Variants in PLCH2 observed in about 807,000 individuals in gnomAD.
The protein encoded by PLCH2 is phospholipase C eta 2.
A neutral mutation model predicts 134.7 loss-of-function variants in PLCH2; 98 were observed. That is an observed-to-expected ratio of 0.73 (90% CI 0.62 to 0.86). The LOEUF (loss-of-function observed/expected upper bound fraction) is 0.86, where lower values mean the gene tolerates loss of function less well. PLCH2 is among the 40% of genes least tolerant of loss of function. The probability of loss-of-function intolerance (pLI) is 0.00; values close to 1 mark genes in which losing one functional copy is unlikely to be tolerated. For missense variants in PLCH2, 1,994 were observed against 1,986.6 expected, an observed-to-expected ratio of 1.00 and a Z score of -0.07; for synonymous variants, 974 against 827.5, an observed-to-expected ratio of 1.18 and a Z score of -3.04.
chr1:2,476,713 G>GT lies in PLCH2; in HGVS notation c.124+2dup, dbSNP rs776749891. On this transcript the variant is annotated splice_donor_variant, in intron 1 of 21. Transcript: ENST00000378486. LOFTEE classifies it high-confidence loss of function. ...TCAGAGTGGCAGCTCGGCCCCCTGG[G>GT]TAAGAAGGGGCAGGCGAGTGGCCTG... is the stretch of plus-strand genomic sequence containing the variant. 1.2e-6 allele frequency: 2 copies of GT among 1,604,954 alleles called. No homozygotes were observed.
rs2100682773 is a variant in PLCH2, at chr1:2,487,339, T to C, written c.1077T>C (p.Tyr359=). 3.7e-6 allele frequency: 6 copies of C among 1,613,726 alleles called. No homozygotes were observed. The highest frequency in any genetic ancestry group is 4.2e-6 in the Non-Finnish European group (5 of 1,179,904). ...QLMSQSRVDM[Y]AWVLQAGCRC... ...TGTCCCAGTCACGGGTGGACATGTA[T>C]GCTTGGGTCCTGCAGGCTGGCTGCC... is the stretch of plus-strand genomic sequence containing the variant. Residue 359 remains tyrosine, a synonymous_variant, in exon 7 of 22, where the codon TAT becomes TAC. Coordinates refer to ENST00000378486, the MANE Select transcript of PLCH2 (RefSeq NM_014638.4).
chr1:2,472,963 A>AG (rs1641405596), upstream of PLCH2, among the ~76,000 whole-genome samples: 2 of 26,392 alleles, frequency 7.6e-5, no homozygotes, highest in South Asian at 1.9e-3. Flanking sequence ...TGGAAGATTC[A>AG]TTATTTTCCA....
chr1:2,441,332 C>G (rs989797415), intron 2 of PLCH2, among the ~76,000 whole-genome samples: 1 of 152,340 alleles, frequency 6.6e-6, no homozygotes, highest in Admixed American at 6.5e-5. Flanking sequence ...GCGTCGCATC[C>G]GGCCTGGGTT....
upstream of PLCH2, among the ~76,000 whole-genome samples, chr1:2,474,548 A>G (rs1641512938): frequency 6.7e-6 from 1 of 149,878 alleles, no homozygotes. Context: ...ACCCCTGCCC[A>G]GGCAGATGGC....
chr1:2,456,834 G>A (rs1369598694), intron 2 of PLCH2, among the ~76,000 whole-genome samples: 3 of 152,148 alleles, frequency 2.0e-5, no homozygotes, highest in African/African-American at 4.8e-5. Context: ...TAGGGCCAGC[G>A]GAGGGGCCCG....
intron 16 of PLCH2, 149 bp downstream of exon 16, chr1:2,497,758 G>T: frequency 1.7e-6 from 1 of 572,938 alleles, no homozygotes; most frequent in Non-Finnish European, 3.1e-6. Flanking sequence ...TTGGGACGAA[G>T]CTCCCAGGAT....
At chr1:2,424,299 A>C (rs1180061530), upstream of PLCH2, among the ~76,000 whole-genome samples, 1 of 30,404 alleles carries the variant, frequency 3.3e-5, no homozygotes, top group African/African-American at 1.6e-4. Context: ...CAACAGAACT[A>C]AAAAATTCCC....
rs992849950 is a variant in PLCH2, at chr1:2,489,748, C to T, written c.1408-12C>T. 6.2e-6 allele frequency: 10 copies of T among 1,601,606 alleles called. No individual in the cohort carries two copies. The highest frequency in any genetic ancestry group is 1.3e-5 in the African/African-American group (1 of 74,828). ...CTCCAGGGCCCCTCCCATCATGCACCTCCTCCCCCAGGGGAAGAAGCTCCC... is the reference window on the plus strand; with the variant it reads ...CTCCAGGGCCCCTCCCATCATGCACTTCCTCCCCCAGGGGAAGAAGCTCCC... On this transcript the variant is annotated splice_polypyrimidine_tract_variant and intron_variant, in intron 9 of 21. Coordinates refer to ENST00000378486, the MANE Select transcript of PLCH2 (RefSeq NM_014638.4).
chr1:2,489,876 G>A lies in PLCH2; in HGVS notation c.1515+9G>A, dbSNP rs1341198599. 5 of 1,588,830 alleles carry A rather than the reference G, an allele frequency of 3.1e-6. No individual in the cohort carries two copies. In the Admixed American group the frequency reaches 8.3e-5, roughly 26 times the overall value. On this transcript the variant is annotated intron_variant, in intron 10 of 21. Transcript: ENST00000378486. ...AGCTCCTCAATGGGGATGTGAGTCG[G>A]GCTGGAGGTGGAGGGGGGCGCGTGG...
intron 2 of PLCH2, among the ~76,000 whole-genome samples, chr1:2,457,440 C>T (rs1640548264): frequency 6.6e-6 from 1 of 152,210 alleles, no homozygotes; most frequent in African/African-American, 2.4e-5. Flanking sequence ...CTTCCTGCCA[C>T]TGCAGCTTCT....
intron 2 of PLCH2, among the ~76,000 whole-genome samples, chr1:2,452,778 C>T (rs1464737595): frequency 1.3e-5 from 2 of 152,206 alleles, no homozygotes; most frequent in African/African-American, 4.8e-5. Context: ...GGGCCTGGAG[C>T]TTGGCCAGTC....
At position 2,504,144 on chromosome 1, in the gene PLCH2, G is replaced by C; in HGVS notation, c.3182G>C (p.Gly1061Ala). 1 of 1,521,028 alleles carries C rather than the reference G, an allele frequency of 6.6e-7. No homozygotes were observed. Among genetic ancestry groups the C allele is most frequent in the Non-Finnish European group, 8.8e-7 (1 of 1,135,862 alleles). 94.2% of individuals were successfully genotyped at this position (1,521,028 alleles called of 1,614,324 possible). Residue 1061 changes from glycine to alanine, a missense_variant, in exon 22 of 22, where the codon GGC (glycine) becomes GCC (alanine). This residue lies in a region of PLCH2 where 900 missense variants were observed against 752.3 expected (regional missense o/e 1.20). Transcript: ENST00000378486. ...PRDSRPRPCN[G>A]EGAGGAYERA... The stretch of plus-strand genomic sequence containing the variant: ...GACAGCAGGCCTCGGCCGTGCAACG[G>C]CGAGGGCGCCGGCGGGGCATACGAG...
intron 1 of PLCH2, among the ~76,000 whole-genome samples, chr1:2,428,524 G>A (rs912909129): frequency 1.3e-5 from 2 of 152,254 alleles, no homozygotes; most frequent in East Asian, 1.9e-4. Flanking sequence ...TGGGGCCCAC[G>A]CCAACGGCTG....
chr1:2,425,756 T>C (rs1454602304), upstream of PLCH2, among the ~76,000 whole-genome samples: 1 of 151,936 alleles, frequency 6.6e-6, no homozygotes, highest in Non-Finnish European at 1.5e-5. Flanking sequence ...ACTCCTCAGT[T>C]GAGCAATCCA....
In PLCH2 at chr1:2,484,480, G is replaced by C. The variant is rs578010252; in HGVS notation, c.678G>C (p.Leu226=). The C allele has an allele frequency of 6.2e-6, 10 of 1,613,324 alleles. No homozygotes were observed. The highest frequency in any genetic ancestry group is 3.3e-4 in the Middle Eastern group (2 of 6,060). Residue 226 remains leucine, a synonymous_variant, in exon 5 of 22, where the codon CTG becomes CTC. Coordinates refer to ENST00000378486, the MANE Select transcript of PLCH2 (RefSeq NM_014638.4). ...EADTDDHQGT[L]GFEEFCAFYK... ...ACACGGATGACCACCAAGGGACGCT[G>C]GGTTTTGAAGAGTTCTGTGCCTTCT...
Position 2,498,982 on chromosome 1 carries a change from C to T in PLCH2, c.2435-102C>T, listed in dbSNP as rs929880885. The T allele has an allele frequency of 2.4e-5, 35 of 1,448,636 alleles. No homozygotes were observed. Among genetic ancestry groups the T allele is most frequent in the Admixed American group, 1.2e-4 (6 of 50,022 alleles). 89.7% of individuals were successfully genotyped at this position (1,448,636 alleles called of 1,614,324 possible). ...AGGTGGGCAGTCCCGGAAGCAGCAC[C>T]GGGAGTGGCACTGGGAGTGGTGTGG... is the stretch of plus-strand genomic sequence containing the variant. On this transcript the variant is annotated intron_variant, in intron 18 of 21. Transcript: ENST00000378486. The surrounding 1 kb of genome is among the most constrained non-coding windows in gnomAD (Gnocchi z 5.4).
In PLCH2 at chr1:2,491,172, C is replaced by CCGG; in HGVS notation, c.1516-18_1516-16dup. On this transcript the variant is annotated intron_variant, in intron 10 of 21. Coordinates refer to ENST00000378486, the MANE Select transcript of PLCH2 (RefSeq NM_014638.4). The stretch of plus-strand genomic sequence containing the variant: ...AGGGCTCGGGACAGATGCCAACAGG[C>CCGG]CGGCCTCTGGCTCCTGCAGGCATCC... The CCGG allele has an allele frequency of 1.2e-6, 2 of 1,605,402 alleles. No homozygotes were observed. Among genetic ancestry groups the CCGG allele is most frequent in the Non-Finnish European group, 8.5e-7 (1 of 1,176,072 alleles).
intron 1 of PLCH2, among the ~76,000 whole-genome samples, chr1:2,470,514 C>T (rs542826443): frequency 3.5e-4 from 53 of 152,342 alleles, no homozygotes; most frequent in African/African-American, 1.2e-3. Context: ...GGGGCTGCTC[C>T]CCGGCCTGGC....
At chr1:2,483,711 G>A (rs1642098014) in intron 4 of PLCH2, among the ~76,000 whole-genome samples, 1 of 151,812 alleles carries the variant, frequency 6.6e-6, no homozygotes, top group Non-Finnish European at 1.5e-5. Context: ...AGCACCTTGG[G>A]TTTCTGCTGG....
Sources: allele counts gnomAD v4.1 joint callset (sites outside exome capture counted in the v4.1 genomes callset), GRCh38; gene constraint gnomAD v4.1.1; regional missense constraint gnomAD v4.1.1; non-coding constraint Gnocchi (gnomAD v3.1); transcripts MANE v1.5; gene names NCBI Gene and HGNC (gene_info 2026-07-23, HGNC 2026-07-21).